Variants in SORCS2 observed in about 807,000 individuals in gnomAD.
The protein encoded by SORCS2 is sortilin related VPS10 domain containing receptor 2, also known as VPS10 domain-containing receptor SorCS2.
SORCS2 carries 100 observed loss-of-function variants against 141.6 expected under a neutral mutation model. The observed-to-expected ratio is 0.71, with a 90% CI of 0.60 to 0.83. The LOEUF (loss-of-function observed/expected upper bound fraction) is 0.83. Ranked by LOEUF, SORCS2 falls within the 40% of genes least tolerant of loss-of-function variation. The pLI is 0.00. For synonymous variants in SORCS2, 789 were observed against 676.9 expected, an observed-to-expected ratio of 1.17 and a Z score of -2.57; for missense variants, 1,646 against 1,560.2, an observed-to-expected ratio of 1.05 and a Z score of -0.93.
In SORCS2 at chr4:7,485,237, G is replaced by T. The variant is rs545679881; in HGVS notation, c.549-46293G>T. Among the ~76,000 whole-genome samples, 5 of 152,354 alleles carry T rather than the reference G, an allele frequency of 3.3e-5. No individual in the cohort carries two copies. In the South Asian group the frequency reaches 1.0e-3, roughly 32 times the overall value. On this transcript the variant is annotated intron_variant, in intron 2 of 26. Transcript: ENST00000507866. ...TGAGATCCAGGTCTGGTCTAAGCCAGCATGCCCCTCCCATCGCCCTGGGCA... is the reference window on the plus strand; with the variant it reads ...TGAGATCCAGGTCTGGTCTAAGCCATCATGCCCCTCCCATCGCCCTGGGCA...
intron 4 of SORCS2, among the ~76,000 whole-genome samples, chr4:7,642,271 G>A (rs116679315): frequency 0.016 from 2,408 of 152,306 alleles, 67 homozygotes; most frequent in African/African-American, 0.055. Flanking sequence ...GGGATGGCTT[G>A]TGCTTCTGGG....
At chr4:7,527,410 C>CGCTGTGACGGGAG (rs1202475045) in intron 2 of SORCS2, among the ~76,000 whole-genome samples, 5 of 152,200 alleles carry the variant, frequency 3.3e-5, no homozygotes, top group Non-Finnish European at 7.3e-5. Context: ...TGGTAGTCGG[C>CGCTGTGACGGGAG]GCTGTGACGG....
chr4:7,263,159 C>T (rs963896078), intron 1 of SORCS2, among the ~76,000 whole-genome samples: 2 of 152,186 alleles, frequency 1.3e-5, no homozygotes, highest in African/African-American at 4.8e-5. Context: ...TCCTCATGGG[C>T]AAATGCAGGT....
chr4:7,287,143 C>T (rs996196713), intron 1 of SORCS2, among the ~76,000 whole-genome samples: 2 of 152,200 alleles, frequency 1.3e-5, no homozygotes, highest in African/African-American at 4.8e-5. Flanking sequence ...GGGGGGTCTC[C>T]TGCCTTGCCC....
At chr4:7,421,556 C>T (rs1726059010) in intron 2 of SORCS2, among the ~76,000 whole-genome samples, 1 of 152,186 alleles carries the variant, frequency 6.6e-6, no homozygotes, top group Non-Finnish European at 1.5e-5. Context: ...CATGGTCATT[C>T]TTTAGCAGCA....
chr4:7,544,254 C>G (rs987232389), intron 3 of SORCS2, among the ~76,000 whole-genome samples: 1 of 152,218 alleles, frequency 6.6e-6, no homozygotes, highest in Non-Finnish European at 1.5e-5. Flanking sequence ...AATATCTATC[C>G]CATGGCCATC....
rs1444868993 is a variant in SORCS2, at chr4:7,219,001, TTCCTACC to T, written c.480+25878_480+25884del. 8.1e-3 allele frequency among the ~76,000 whole-genome samples: 679 copies of T among 83,342 alleles called. 6 individuals are homozygous for T. Among genetic ancestry groups the T allele is most frequent in the African/African-American group, 0.04 (658 of 16,436 alleles). 54.7% of individuals were successfully genotyped at this position (83,342 alleles called of 152,430 possible). A position where few individuals can be genotyped will look rare whatever the true frequency, so the allele number is the denominator to read the frequency against. On this transcript the variant is annotated intron_variant, in intron 1 of 26. Transcript: ENST00000507866. ...GTAGCTTCTGGAATATGCTAGGCCCTTCCTACCTCAGAGCCCATGCCTGGGTGACTCC... is the reference window on the plus strand; with the variant it reads ...GTAGCTTCTGGAATATGCTAGGCCCTTCAGAGCCCATGCCTGGGTGACTCC...
intron 2 of SORCS2, among the ~76,000 whole-genome samples, chr4:7,473,882 C>G (rs1051306382): frequency 4.6e-5 from 7 of 152,204 alleles, no homozygotes; most frequent in Non-Finnish European, 1.0e-4. Flanking sequence ...ATGCCCACTT[C>G]ACCTCCTTCC....
chr4:7,509,163 C>T (rs991406705), intron 2 of SORCS2, among the ~76,000 whole-genome samples: 41 of 152,268 alleles, frequency 2.7e-4, no homozygotes, highest in Admixed American at 5.9e-4. Context: ...CTGCCCAGGG[C>T]GGTGAGGCAG....
At chr4:7,655,764 G>A (rs1375979187) in intron 5 of SORCS2, among the ~76,000 whole-genome samples, 1 of 152,220 alleles carries the variant, frequency 6.6e-6, no homozygotes, top group African/African-American at 2.4e-5. Flanking sequence ...CGCAGAGGTG[G>A]GGAGCAGAGC....
chr4:7,736,302 T>C (rs1712162195), intron 25 of SORCS2, among the ~76,000 whole-genome samples: 1 of 152,232 alleles, frequency 6.6e-6, no homozygotes, highest in African/African-American at 2.4e-5. Flanking sequence ...TGGTGAAGTG[T>C]TGCAGCTTAT....
intron 3 of SORCS2, among the ~76,000 whole-genome samples, chr4:7,533,756 C>A (rs1711860095): frequency 6.6e-6 from 1 of 152,242 alleles, no homozygotes; most frequent in African/African-American, 2.4e-5. Context: ...TCAGACAGAG[C>A]TGCTTCTGCA....
Position 7,724,308 on chromosome 4 carries a change from T to C in SORCS2, c.2611+425T>C, listed in dbSNP as rs964871473. 1.9e-3 allele frequency among the ~76,000 whole-genome samples: 99 copies of C among 51,000 alleles called. 2 individuals are homozygous for C. The highest frequency in any genetic ancestry group is 3.0e-4 in the Non-Finnish European group (8 of 26,538). 33.5% of individuals were successfully genotyped at this position (51,000 alleles called of 152,430 possible). On this transcript the variant is annotated intron_variant, in intron 19 of 26. Coordinates refer to ENST00000507866, the MANE Select transcript of SORCS2 (RefSeq NM_020777.3). ...GTGGTGGTGATAATGGTGACAATGGTGGTGGTGGTGGTGGTGATAGGGTGA... is the reference window on the plus strand; with the variant it reads ...GTGGTGGTGATAATGGTGACAATGGCGGTGGTGGTGGTGGTGATAGGGTGA...
chr4:7,695,544 A>ATGGG (rs1560489974), intron 11 of SORCS2, among the ~76,000 whole-genome samples: 1 of 5,080 alleles, frequency 2.0e-4, no homozygotes, highest in Non-Finnish European at 3.9e-4. Flanking sequence ...GGGTGGGTGG[A>ATGGG]TGGATGGATG....
At chr4:7,703,183 C>A (rs1725192174) in intron 12 of SORCS2, 97 bp from the exon 13 acceptor site, 3 of 944,248 alleles carry the variant, frequency 3.2e-6, no homozygotes, top group Non-Finnish European at 1.6e-6. Flanking sequence ...CAACCCCCGG[C>A]TGCACATTGA....
chr4:7,562,259 G>A (rs1714644706), intron 3 of SORCS2, among the ~76,000 whole-genome samples: 2 of 152,174 alleles, frequency 1.3e-5, no homozygotes, highest in Non-Finnish European at 1.5e-5. Flanking sequence ...GTGGGGAGAT[G>A]GGAAAGAGGC....
At chr4:7,509,021 G>A (rs934409662) in intron 2 of SORCS2, among the ~76,000 whole-genome samples, 8 of 152,168 alleles carry the variant, frequency 5.3e-5, no homozygotes, top group Admixed American at 3.3e-4. Context: ...ACGCTGCCTC[G>A]GCACGGCGAC....
intron 1 of SORCS2, among the ~76,000 whole-genome samples, chr4:7,280,648 T>C (rs1435957112): frequency 6.6e-6 from 1 of 152,260 alleles, no homozygotes; most frequent in African/African-American, 2.4e-5. Flanking sequence ...AAAGTGGCTG[T>C]ACTGATTTCA....
intron 3 of SORCS2, among the ~76,000 whole-genome samples, chr4:7,596,859 G>T (rs1429037971): frequency 6.6e-6 from 1 of 152,202 alleles, no homozygotes; most frequent in Non-Finnish European, 1.5e-5. Context: ...AGGGACTTCA[G>T]TGGAGAGACC....
Sources: gnomAD v4.1 joint callset for allele counts (sites outside exome capture counted in the v4.1 genomes callset) on GRCh38, gnomAD v4.1.1 for gene constraint, MANE v1.5 for transcripts, NCBI Gene and HGNC (gene_info 2026-07-23, HGNC 2026-07-21) for gene names.